The following PPP2R5E variants were observed in gnomAD, a reference collection of about 807,000 sequenced individuals.
PPP2R5E encodes the protein protein phosphatase 2 regulatory subunit B'epsilon.
A neutral mutation model predicts 65.3 loss-of-function variants in PPP2R5E; 4 were observed. The observed-to-expected ratio is 0.06, with a 90% CI of 0.03 to 0.14. The LOEUF is 0.14. Among genes scored for constraint, PPP2R5E ranks in the 10% least tolerant of loss-of-function variants. PPP2R5E has a pLI of 1.00. For synonymous variants in PPP2R5E, 183 were observed against 187.4 expected (o/e 0.98, Z 0.19); for missense variants, 274 against 556.1 (o/e 0.49, Z 5.10).
At chr14:63,485,354 T>C (rs1890930669) in intron 2 of PPP2R5E, among the ~76,000 whole-genome samples, 1 of 152,212 alleles carries the variant, frequency 6.6e-6, no homozygotes, top group Non-Finnish European at 1.5e-5. Flanking sequence ...TTTTCCTGCC[T>C]CAGCCTCCAG....
chr14:63,384,576 G>A lies in PPP2R5E; in HGVS notation c.1075-5C>T. On this transcript the variant is annotated splice_polypyrimidine_tract_variant and splice_region_variant and intron_variant, in intron 11 of 13. Coordinates refer to ENST00000337537, the MANE Select transcript of PPP2R5E (RefSeq NM_006246.5). Reference sequence around the variant, plus strand: ...ATAGAGTGCTCTTTCTGCCACCTTTGGGAAAAGAAAAATAAAATGTTAAGA... The same window carrying A: ...ATAGAGTGCTCTTTCTGCCACCTTTAGGAAAAGAAAAATAAAATGTTAAGA... 1 of 1,593,278 alleles carries A rather than the reference G, an allele frequency of 6.3e-7. No individual in the cohort carries two copies. Among genetic ancestry groups the A allele is most frequent in the Admixed American group, 1.8e-5 (1 of 55,674 alleles).
chr14:63,502,673 A>C (rs1891949051), intron 2 of PPP2R5E, among the ~76,000 whole-genome samples: 1 of 152,166 alleles, frequency 6.6e-6, no homozygotes, highest in Admixed American at 6.5e-5. Context: ...TCTCAAAAAA[A>C]TAAAAAAGAA....
chr14:63,394,622 C>T (rs915736664), intron 7 of PPP2R5E, among the ~76,000 whole-genome samples: 1 of 152,198 alleles, frequency 6.6e-6, no homozygotes, highest in African/African-American at 2.4e-5. Context: ...CATTCCTTCT[C>T]ATTCCTGAAA....
chr14:63,431,622 A>G lies in PPP2R5E; in HGVS notation c.355-9528T>C, dbSNP rs141766034. Reference sequence around the variant, plus strand: ...CAGCAAGCCTGTCCATATCTTTATCATAAAACTGCATTTGCGGACAAAGCT... The same window carrying G: ...CAGCAAGCCTGTCCATATCTTTATCGTAAAACTGCATTTGCGGACAAAGCT... On this transcript the variant is annotated intron_variant, in intron 3 of 13. Coordinates refer to ENST00000337537, the MANE Select transcript of PPP2R5E (RefSeq NM_006246.5). 3.8e-3 allele frequency among the ~76,000 whole-genome samples: 577 copies of G among 152,264 alleles called. 3 individuals carry two copies. The highest frequency in any genetic ancestry group is 0.013 in the African/African-American group (524 of 41,524).
chr14:63,433,254 T>C (rs762080558), intron 3 of PPP2R5E, among the ~76,000 whole-genome samples: 1 of 151,998 alleles, frequency 6.6e-6, no homozygotes, highest in Non-Finnish European at 1.5e-5. Context: ...CTCAGGCTGA[T>C]CTCAAACTCC....
At chr14:63,519,224 G>A (rs1892784513) in intron 2 of PPP2R5E, among the ~76,000 whole-genome samples, 3 of 151,826 alleles carry the variant, frequency 2.0e-5, no homozygotes, top group Non-Finnish European at 2.9e-5. Flanking sequence ...CAAAAAAAAA[G>A]AAAAAAATAC....
At chr14:63,469,252 A>G (rs1177621608) in intron 2 of PPP2R5E, among the ~76,000 whole-genome samples, 3 of 152,256 alleles carry the variant, frequency 2.0e-5, no homozygotes, top group Non-Finnish European at 4.4e-5. Context: ...TAAATATAAA[A>G]GTTAAAACAT....
chr14:63,391,758 C>T, intron 10 of PPP2R5E, 59 bp downstream of exon 10: 1 of 1,558,512 alleles, frequency 6.4e-7, no homozygotes, highest in Non-Finnish European at 8.8e-7. Flanking sequence ...TAGCCCAATC[C>T]TTGGCACTCA....
intron 2 of PPP2R5E, among the ~76,000 whole-genome samples, chr14:63,456,125 T>C (rs1265322030): frequency 6.6e-6 from 1 of 152,354 alleles, no homozygotes; most frequent in East Asian, 1.9e-4. Context: ...GAAATTTTAA[T>C]TAATTCAATA....
chr14:63,439,718 T>G (rs1227889409), intron 3 of PPP2R5E, among the ~76,000 whole-genome samples: 1 of 152,194 alleles, frequency 6.6e-6, no homozygotes, highest in African/African-American at 2.4e-5. Context: ...GGAAGGACAG[T>G]AAAAAGGAAA....
chr14:63,417,645 G>A (rs1205320694), intron 4 of PPP2R5E, among the ~76,000 whole-genome samples: 1 of 152,094 alleles, frequency 6.6e-6, no homozygotes, highest in Non-Finnish European at 1.5e-5. Flanking sequence ...TGTGCTTGAG[G>A]GTCAAAATGT....
intron 2 of PPP2R5E, among the ~76,000 whole-genome samples, chr14:63,525,386 A>ACCACACACT (rs1893147880): frequency 6.6e-6 from 1 of 152,240 alleles, no homozygotes; most frequent in Non-Finnish European, 1.5e-5. Flanking sequence ...GTCATGTAGT[A>ACCACACACT]ACTTCTCCCT....
At chr14:63,376,134 A>C in intron 13 of PPP2R5E, 26 bp from the exon 14 acceptor site, 1 of 1,476,924 alleles carries the variant, frequency 6.8e-7, no homozygotes, top group Non-Finnish European at 9.5e-7. Flanking sequence ...AATACAATGT[A>C]AACAGCTGAG....
chr14:63,516,254 T>A (rs1892667161), intron 2 of PPP2R5E, among the ~76,000 whole-genome samples: 1 of 152,176 alleles, frequency 6.6e-6, no homozygotes, highest in Non-Finnish European at 1.5e-5. Flanking sequence ...ACGACCCTCA[T>A]TATCTTGAGA....
intron 3 of PPP2R5E, among the ~76,000 whole-genome samples, chr14:63,423,263 T>C (rs968555532): frequency 8.5e-5 from 13 of 152,168 alleles, no homozygotes; most frequent in African/African-American, 2.9e-4. Flanking sequence ...ACCCGGCTAA[T>C]TTTTGTATTT....
intron 2 of PPP2R5E, among the ~76,000 whole-genome samples, chr14:63,515,567 G>C (rs926111842): frequency 4.0e-5 from 6 of 150,320 alleles, no homozygotes; most frequent in Admixed American, 3.3e-4. Flanking sequence ...GTCTCACTCT[G>C]TAGCCCAGAC....
At chr14:63,470,074 A>AC (rs1199716205) in intron 2 of PPP2R5E, among the ~76,000 whole-genome samples, 1 of 145,058 alleles carries the variant, frequency 6.9e-6, no homozygotes, top group South Asian at 2.2e-4. Context: ...ACCTCCCCAC[A>AC]CCCCCCACTT....
At position 63,374,313 on chromosome 14, in the gene PPP2R5E, C is replaced by T. The variant is rs1037167733; in HGVS notation, c.*1696G>A. 5 of 151,630 alleles carry T rather than the reference C, an allele frequency of 3.3e-5. No homozygotes were observed. The highest frequency in any genetic ancestry group is 1.2e-4 in the African/African-American group (5 of 41,318). 9.4% of individuals were successfully genotyped at this position (151,630 alleles called of 1,614,324 possible). The stretch of plus-strand genomic sequence containing the variant: ...AAATGTAAGGAAGAAAATATACAAG[C>T]CCATATTTATATTGTATTTCTATTA... On this transcript the variant is annotated 3_prime_UTR_variant, in exon 14 of 14. Coordinates refer to ENST00000337537, the MANE Select transcript of PPP2R5E (RefSeq NM_006246.5).
chr14:63,519,500 C>T (rs1892799120), intron 2 of PPP2R5E, among the ~76,000 whole-genome samples: 1 of 142,692 alleles, frequency 7.0e-6, no homozygotes, highest in Admixed American at 6.8e-5. Flanking sequence ...ACCACCATGC[C>T]CAGCTAATTT....
Sources: gnomAD v4.1 joint callset for allele counts (sites outside exome capture counted in the v4.1 genomes callset) on GRCh38, gnomAD v4.1.1 for gene constraint, MANE v1.5 for transcripts, NCBI Gene and HGNC (gene_info 2026-07-23, HGNC 2026-07-21) for gene names.